RGS3: variants seen among roughly 807,000 people sequenced by gnomAD.
RGS3 encodes regulator of G protein signaling 3, also known as regulator of G-protein signalling 3.
A neutral mutation model predicts 132.6 loss-of-function variants in RGS3; 80 were observed. The observed-to-expected ratio is 0.60, with a 90% CI of 0.50 to 0.73. The LOEUF (loss-of-function observed/expected upper bound fraction) is 0.73, where lower values mean the gene tolerates loss of function less well. Ranked by LOEUF, RGS3 falls within the 30% of genes least tolerant of loss-of-function variation. The pLI, the probability that RGS3 is intolerant of heterozygous loss-of-function variation, is 0.00. For missense variants in RGS3, 1,382 were observed against 1,530.8 expected (o/e 0.90, Z 1.62); for synonymous variants, 598 against 620.6 (o/e 0.96, Z 0.54).
chr9:113,590,902 AG>A (rs904277534), intron 20 of RGS3, among the ~76,000 whole-genome samples: 14 of 152,216 alleles, frequency 9.2e-5, no homozygotes, highest in African/African-American at 3.1e-4. Flanking sequence ...TGACCATCTC[AG>A]GTCTCCTTTG....
rs950768711 is a variant in RGS3 at position 113,579,512 on chromosome 9, A to AC, written c.2038-3933dup. On this transcript the variant is annotated intron_variant, in intron 19 of 24. Coordinates refer to ENST00000350696, the Ensembl canonical transcript of RGS3. This position sits in a 1 kb window ranked among gnomAD's most constrained non-coding sequence, Gnocchi z 4.3. ...GAAGTGATGGATGGGAAAGACACAG[A>AC]CCCCCACCTTGGGAGGGTGGGGCAG... is the stretch of plus-strand genomic sequence containing the variant. Among the ~76,000 whole-genome samples, 13 of 152,028 alleles carry AC rather than the reference A, an allele frequency of 8.6e-5. No homozygotes were observed. Among genetic ancestry groups the AC allele is most frequent in the Non-Finnish European group, 1.9e-4 (13 of 68,008 alleles).
upstream of RGS3, among the ~76,000 whole-genome samples, chr9:113,458,844 C>T (rs1007048240): frequency 2.6e-5 from 4 of 152,282 alleles, no homozygotes; most frequent in South Asian, 2.1e-4. Flanking sequence ...CTCTGCCTCC[C>T]GGGTTCAAGT....
intron 23 of RGS3, chr9:113,595,183 C>A: frequency 1.7e-6 from 1 of 603,970 alleles, no homozygotes; most frequent in Non-Finnish European, 2.9e-6. Context: ...CCCTCCCCGT[C>A]CATGTGAGCT....
At chr9:113,529,401 A>G (rs1052432606) in intron 18 of RGS3, 137 bp downstream of exon 16, 14 of 762,280 alleles carry the variant, frequency 1.8e-5, no homozygotes, top group Non-Finnish European at 2.9e-5. Context: ...GCAAGGCCAG[A>G]GTAGCGGTTT....
chr9:113,514,256 A>G (rs974040948), intron 14 of RGS3, among the ~76,000 whole-genome samples: 3 of 152,100 alleles, frequency 2.0e-5, no homozygotes, highest in African/African-American at 7.2e-5. Context: ...AACGTCTCTC[A>G]CTAGAGTGCG....
At chr9:113,448,852 A>C (rs1370375262) in intron 1 of RGS3, among the ~76,000 whole-genome samples, 1 of 152,240 alleles carries the variant, frequency 6.6e-6, no homozygotes. Context: ...GAGAAGAAGG[A>C]GAGGTCACTT....
At chr9:113,517,148 G>A in intron 15 of RGS3, 1 of 450,102 alleles carries the variant, frequency 2.2e-6, no homozygotes, top group East Asian at 6.8e-5. Flanking sequence ...CTCTCAGGAT[G>A]CCTCTTGGTC....
Position 113,575,886 on chromosome 9 carries a change from T to TC in RGS3, c.2038-7563dup, listed in dbSNP as rs1011787329. On this transcript the variant is annotated intron_variant, in intron 19 of 24. Transcript: ENST00000350696. ...AACCAATAGTCTAGGTCGGTGTTTT[T>TC]CAAACTTTAATGTGCAAATGAATCT... is the stretch of plus-strand genomic sequence containing the variant. 1.8e-4 allele frequency among the ~76,000 whole-genome samples: 28 copies of TC among 152,316 alleles called. 1 individual carries two copies. The highest frequency in any genetic ancestry group is 1.8e-3 in the Admixed American group (27 of 15,298).
In RGS3 at chr9:113,554,095, T is replaced by G. The variant is rs533283400; in HGVS notation, c.2037+17177T>G. 4.6e-5 allele frequency among the ~76,000 whole-genome samples: 7 copies of G among 152,366 alleles called. No individual in the cohort carries two copies. In the East Asian group the frequency reaches 1.4e-3, roughly 29 times the overall value. On this transcript the variant is annotated intron_variant, in intron 19 of 24. Transcript: ENST00000350696. Reference sequence around the variant, plus strand: ...CATGTCATCTCCCCAACACTATTGTTCTTATCCTATTTTATAGTTGAGAAA... The same window carrying G: ...CATGTCATCTCCCCAACACTATTGTGCTTATCCTATTTTATAGTTGAGAAA...
rs115125446 is a variant in RGS3 at position 113,518,392 on chromosome 9, C to T, written c.1758+768C>T. ...AAACTTGGAGACAGGAAGTTTGTAT[C>T]GAGACCCAGGTCTGCTGCTGGCTCA... On this transcript the variant is annotated intron_variant, in intron 16 of 24. Coordinates refer to ENST00000350696, the Ensembl canonical transcript of RGS3. Among the ~76,000 whole-genome samples the T allele has an allele frequency of 2.0e-3, 309 of 152,288 alleles. 2 individuals are homozygous for T. Among genetic ancestry groups the T allele is most frequent in the African/African-American group, 7.1e-3 (295 of 41,554 alleles).
In RGS3 at chr9:113,594,385, G is replaced by T. The variant is rs569845040; in HGVS notation, c.3081-45G>T. Reference sequence around the variant, plus strand: ...CTCCCGACTCTGGATTTGCAGGGGCGAGTGGGCCAGGCTGAGCAACCCTCT... The same window carrying T: ...CTCCCGACTCTGGATTTGCAGGGGCTAGTGGGCCAGGCTGAGCAACCCTCT... On this transcript the variant is annotated intron_variant, in intron 21 of 24. Coordinates refer to ENST00000350696, the Ensembl canonical transcript of RGS3. The T allele has an allele frequency of 2.2e-5, 35 of 1,607,360 alleles. No homozygotes were observed. In the South Asian group the frequency reaches 2.7e-4, roughly 12 times the overall value.
chr9:113,572,815 C>T (rs1412759146), intron 19 of RGS3, among the ~76,000 whole-genome samples: 3 of 152,240 alleles, frequency 2.0e-5, no homozygotes, highest in African/African-American at 7.2e-5. Flanking sequence ...CAGACTGACC[C>T]AGCCTAGGGG....
chr9:113,490,595 G>A (rs1299688375), intron 7 of RGS3, among the ~76,000 whole-genome samples: 1 of 127,412 alleles, frequency 7.8e-6, no homozygotes, highest in African/African-American at 3.2e-5. Flanking sequence ...ATGTACTAAG[G>A]TAAAAAATGC....
upstream of RGS3, among the ~76,000 whole-genome samples, chr9:113,455,492 C>T (rs899380028): frequency 2.0e-5 from 3 of 152,158 alleles, no homozygotes; most frequent in African/African-American, 4.8e-5. Flanking sequence ...TGGCTCTTAT[C>T]AAGTCTTTAG....
intron 14 of RGS3, 26 bp from the exon 13 acceptor site, chr9:113,514,432 C>T: frequency 1.2e-6 from 2 of 1,601,358 alleles, no homozygotes; most frequent in South Asian, 1.1e-5. Context: ...GGAAATGTCT[C>T]ATAGTCCCCC....
At position 113,565,810 on chromosome 9, in the gene RGS3, TC is replaced by T. The variant is rs2118847927; in HGVS notation, c.2038-17636del. On this transcript the variant is annotated intron_variant, in intron 19 of 24. Coordinates refer to ENST00000350696, the Ensembl canonical transcript of RGS3. The surrounding 1 kb of genome is among the most constrained non-coding windows in gnomAD (Gnocchi z 5.7). ...CTGTGCCCCTGTTTCTATTGTTTCTTCCCCAGGGCAGCCATTGATAGGCATG... is the reference window on the plus strand; with the variant it reads ...CTGTGCCCCTGTTTCTATTGTTTCTTCCCAGGGCAGCCATTGATAGGCATG... 1 of 190,064 alleles carries T rather than the reference TC, an allele frequency of 5.3e-6. No homozygotes were observed. The highest frequency in any genetic ancestry group is 2.4e-5 in the African/African-American group (1 of 42,330). 11.8% of individuals were successfully genotyped at this position (190,064 alleles called of 1,614,324 possible).
chr9:113,552,868 AAAGTTTTAAT>A, intron 19 of RGS3, among the ~76,000 whole-genome samples: 1 of 152,354 alleles, frequency 6.6e-6, no homozygotes, highest in African/African-American at 2.4e-5. Flanking sequence ...GAGGGAATTT[AAAGTTTTAAT>A]TTATATTACA....
intron 14 of RGS3, among the ~76,000 whole-genome samples, chr9:113,513,785 C>T (rs750321242): frequency 3.3e-5 from 5 of 152,198 alleles, no homozygotes; most frequent in Non-Finnish European, 5.9e-5. Context: ...AGTGCCACTC[C>T]TTATTCTAGA....
At chr9:113,447,725 G>A (rs1053323646) in intron 1 of RGS3, among the ~76,000 whole-genome samples, 1 of 151,732 alleles carries the variant, frequency 6.6e-6, no homozygotes, top group Non-Finnish European at 1.5e-5. Flanking sequence ...ATCTGAATTC[G>A]GTTAATTAGC....
Sources: gnomAD v4.1 joint callset for allele counts (sites outside exome capture counted in the v4.1 genomes callset) on GRCh38, gnomAD v4.1.1 for gene constraint, Gnocchi (gnomAD v3.1) non-coding constraint, MANE v1.5 for transcripts, NCBI Gene and HGNC (gene_info 2026-07-23, HGNC 2026-07-21) for gene names.